Variants in WDFY2 observed in about 807,000 individuals in gnomAD.
The protein encoded by WDFY2 is WD repeat and FYVE domain-containing protein 2.
A neutral mutation model predicts 56.4 loss-of-function variants in WDFY2; 36 were observed. That is an observed-to-expected ratio of 0.64 (90% CI 0.49 to 0.84). The LOEUF (loss-of-function observed/expected upper bound fraction) is 0.84, where lower values mean the gene tolerates loss of function less well. Ranked by LOEUF, WDFY2 falls within the 40% of genes least tolerant of loss-of-function variation. The pLI is 0.00. For missense variants in WDFY2, 444 were observed against 512.2 expected (o/e 0.87, Z 1.29); for synonymous variants, 176 against 183.7 (o/e 0.96, Z 0.34).
chr13:51,631,120 G>A (rs1377219176), intron 1 of WDFY2, among the ~76,000 whole-genome samples: 1 of 149,930 alleles, frequency 6.7e-6, no homozygotes. Flanking sequence ...AGCTGGGCAT[G>A]GTGGCTCACG....
rs1031537990 is a variant in WDFY2 at position 51,764,738 on chromosome 13, G to A, written c.*4969G>A. On this transcript the variant is annotated 3_prime_UTR_variant, in exon 12 of 12. Coordinates refer to ENST00000298125, the MANE Select transcript of WDFY2 (RefSeq NM_052950.4). ...AGAACTGTTAACTGAAGGTGACTCA[G>A]GGTAACTAATTCTGGATCTTTGGGT... 1 of 152,226 alleles carries A rather than the reference G, an allele frequency of 6.6e-6. No individual in the cohort carries two copies. The highest frequency in any genetic ancestry group is 1.5e-5 in the Non-Finnish European group (1 of 68,052). 9.4% of individuals were successfully genotyped at this position (152,226 alleles called of 1,614,324 possible).
chr13:51,659,636 G>T (rs187410425), intron 1 of WDFY2, among the ~76,000 whole-genome samples: 3 of 152,294 alleles, frequency 2.0e-5, no homozygotes, highest in Admixed American at 2.0e-4. Flanking sequence ...AGTCTTTGGT[G>T]TCTGCTCTCT....
In WDFY2 at chr13:51,761,925, A is replaced by T. The variant is rs958923013; in HGVS notation, c.*2156A>T. The T allele has an allele frequency of 6.6e-6, 1 of 152,246 alleles. No homozygotes were observed. The highest frequency in any genetic ancestry group is 1.5e-5 in the Non-Finnish European group (1 of 68,052). The allele number at this position is 152,246 out of a possible 1,614,324, so 9.4% of individuals were successfully genotyped here. A position where few individuals can be genotyped will look rare whatever the true frequency, so the allele number is the denominator to read the frequency against. ...TTGTCGCCTCGCTGCCCTGGTCCAG[A>T]CTACCCTTGCTTGCGTCAGTCAAAA... On this transcript the variant is annotated 3_prime_UTR_variant, in exon 12 of 12. Coordinates refer to ENST00000298125, the MANE Select transcript of WDFY2 (RefSeq NM_052950.4).
chr13:51,698,354 T>C (rs1251201672), intron 3 of WDFY2, among the ~76,000 whole-genome samples: 1 of 152,178 alleles, frequency 6.6e-6, no homozygotes, highest in Admixed American at 6.5e-5. Context: ...TAAGAATGGG[T>C]CAATATCAGA....
chr13:51,691,904 G>C (rs1313614421), intron 3 of WDFY2, among the ~76,000 whole-genome samples: 1 of 151,726 alleles, frequency 6.6e-6, no homozygotes, highest in East Asian at 1.9e-4. Flanking sequence ...CCTTGAAGAG[G>C]TCCTTCACAT....
intron 2 of WDFY2, among the ~76,000 whole-genome samples, chr13:51,671,247 G>C (rs751108696): frequency 1.3e-5 from 2 of 152,108 alleles, no homozygotes; most frequent in Non-Finnish European, 2.9e-5. Context: ...GAGATTGCTG[G>C]ATCAAATGGT....
intron 1 of WDFY2, among the ~76,000 whole-genome samples, chr13:51,623,280 C>T (rs967580351): frequency 6.6e-6 from 1 of 151,628 alleles, no homozygotes; most frequent in Admixed American, 6.6e-5. Context: ...AAGACATAAA[C>T]CCAGACAGTC....
chr13:51,738,330 C>T (rs1049520394), intron 6 of WDFY2, among the ~76,000 whole-genome samples: 1 of 152,174 alleles, frequency 6.6e-6, no homozygotes, highest in Non-Finnish European at 1.5e-5. Context: ...CATACCACTA[C>T]AGTAATCCTA....
intron 3 of WDFY2, among the ~76,000 whole-genome samples, chr13:51,682,350 T>C (rs973666014): frequency 6.6e-6 from 1 of 152,198 alleles, no homozygotes; most frequent in Non-Finnish European, 1.5e-5. Context: ...ACTGATGTAA[T>C]TATTTTATTA....
intron 2 of WDFY2, among the ~76,000 whole-genome samples, chr13:51,673,508 T>C (rs1487565829): frequency 6.6e-6 from 1 of 152,258 alleles, no homozygotes; most frequent in African/African-American, 2.4e-5. Flanking sequence ...GAAATAATCT[T>C]GTCATTTGAA....
intron 3 of WDFY2, among the ~76,000 whole-genome samples, chr13:51,686,727 C>G (rs1017189259): frequency 6.6e-6 from 1 of 152,080 alleles, no homozygotes; most frequent in African/African-American, 2.4e-5. Flanking sequence ...GAAAAAGCAA[C>G]ACATTACTGT....
At chr13:51,629,373 T>C (rs1054509730) in intron 1 of WDFY2, among the ~76,000 whole-genome samples, 1 of 152,250 alleles carries the variant, frequency 6.6e-6, no homozygotes, top group African/African-American at 2.4e-5. Context: ...TTTAGTATTA[T>C]GTTTATGAAG....
intron 3 of WDFY2, among the ~76,000 whole-genome samples, chr13:51,681,902 A>T (rs1232873503): frequency 6.6e-6 from 1 of 152,174 alleles, no homozygotes; most frequent in African/African-American, 2.4e-5. Flanking sequence ...TCCCTCAGTT[A>T]TGTCATTGCG....
chr13:51,694,042 C>G (rs531302142), intron 3 of WDFY2, among the ~76,000 whole-genome samples: 1 of 152,038 alleles, frequency 6.6e-6, no homozygotes, highest in South Asian at 2.1e-4. Flanking sequence ...CTTGATAGAT[C>G]TTCCTCCATC....
chr13:51,623,299 A>T (rs1470254161), intron 1 of WDFY2, among the ~76,000 whole-genome samples: 1 of 152,154 alleles, frequency 6.6e-6, no homozygotes, highest in Non-Finnish European at 1.5e-5. Flanking sequence ...TCCTGGGCAA[A>T]TGAGATGAAT....
intron 4 of WDFY2, 24 bp downstream of exon 4, chr13:51,703,674 C>G (rs1952030457): frequency 1.9e-6 from 3 of 1,579,730 alleles, no homozygotes; most frequent in East Asian, 2.3e-5. Context: ...GGAGTACCTT[C>G]ATTACCCAGA....
intron 1 of WDFY2, among the ~76,000 whole-genome samples, chr13:51,622,106 ATTAG>A (rs748322910): frequency 6.6e-6 from 1 of 152,218 alleles, no homozygotes; most frequent in Non-Finnish European, 1.5e-5. Flanking sequence ...GGAGGTCGTT[ATTAG>A]TTCTCTTTTC....
chr13:51,688,061 G>T (rs1956090960), intron 3 of WDFY2, among the ~76,000 whole-genome samples: 2 of 152,186 alleles, frequency 1.3e-5, no homozygotes, highest in Non-Finnish European at 2.9e-5. Context: ...ATGACTAAAT[G>T]TGTAGGAGAA....
intron 3 of WDFY2, among the ~76,000 whole-genome samples, chr13:51,693,299 T>G (rs1951786795): frequency 6.6e-6 from 1 of 152,104 alleles, no homozygotes; most frequent in Admixed American, 6.5e-5. Flanking sequence ...GGATCTTTCC[T>G]GCTTTCTCTT....
Sources: allele counts gnomAD v4.1 joint callset (sites outside exome capture counted in the v4.1 genomes callset), GRCh38; gene constraint gnomAD v4.1.1; transcripts MANE v1.5; gene names NCBI Gene and HGNC (gene_info 2026-07-23, HGNC 2026-07-21).